The following CTNNA2 variants were observed in gnomAD, a reference collection of about 807,000 sequenced individuals.
CTNNA2 encodes the protein catenin alpha 2.
Under a neutral mutation model 101.0 loss-of-function variants are expected in CTNNA2, and 42 were observed. The observed-to-expected ratio is 0.42, with a 90% CI of 0.32 to 0.54. The LOEUF (loss-of-function observed/expected upper bound fraction) is 0.54. Among genes scored for constraint, CTNNA2 ranks in the 20% least tolerant of loss-of-function variants. The pLI is 0.14. For missense variants in CTNNA2, 871 were observed against 1,223.1 expected (o/e 0.71, Z 4.29); for synonymous variants, 450 against 456.4 (o/e 0.99, Z 0.18).
chr2:79,355,601 C>T (rs1319111682), intron 3 of CTNNA2, among the ~76,000 whole-genome samples: 1 of 152,180 alleles, frequency 6.6e-6, no homozygotes, highest in African/African-American at 2.4e-5. Flanking sequence ...CATCACTCCC[C>T]ATTCCTATGC....
intron 7 of CTNNA2, among the ~76,000 whole-genome samples, chr2:80,035,641 C>T (rs1242023432): frequency 6.6e-6 from 1 of 152,038 alleles, no homozygotes; most frequent in Non-Finnish European, 1.5e-5. Context: ...CTAAGAGATA[C>T]AGACCATTAA....
At chr2:80,305,188 T>C (rs1676804506) in intron 7 of CTNNA2, 2 of 985,328 alleles carry the variant, frequency 2.0e-6, no homozygotes, top group Non-Finnish European at 2.4e-6. Context: ...TGGGGTTTTT[T>C]CCCCCTCTTG....
At chr2:79,915,781 A>T (rs1686158417) in intron 7 of CTNNA2, among the ~76,000 whole-genome samples, 1 of 152,190 alleles carries the variant, frequency 6.6e-6, no homozygotes, top group African/African-American at 2.4e-5. Context: ...TTTTCTATAT[A>T]AATCTGATTT....
At chr2:80,356,631 A>G (rs1311280169) in intron 7 of CTNNA2, among the ~76,000 whole-genome samples, 1 of 152,134 alleles carries the variant, frequency 6.6e-6, no homozygotes, top group Non-Finnish European at 1.5e-5. Flanking sequence ...ATGGGAAAAA[A>G]TAATAGAGGG....
At chr2:80,418,295 A>G (rs1680213300) in intron 8 of CTNNA2, among the ~76,000 whole-genome samples, 1 of 152,192 alleles carries the variant, frequency 6.6e-6, no homozygotes, top group South Asian at 2.1e-4. Flanking sequence ...ATAGTGTGTA[A>G]TAGGAATGAA....
chr2:79,520,082 A>G (rs1672022810), intron 1 of CTNNA2, among the ~76,000 whole-genome samples: 1 of 152,216 alleles, frequency 6.6e-6, no homozygotes, highest in South Asian at 2.1e-4. Context: ...CTACCAATCC[A>G]GCTCCAAATT....
chr2:80,173,202 G>C (rs1475439823), intron 7 of CTNNA2, among the ~76,000 whole-genome samples: 1 of 152,176 alleles, frequency 6.6e-6, no homozygotes, highest in Non-Finnish European at 1.5e-5. Flanking sequence ...TCTGGATTCT[G>C]AACCTACCCT....
chr2:80,403,620 C>T (rs1678783144), intron 8 of CTNNA2, among the ~76,000 whole-genome samples: 1 of 152,148 alleles, frequency 6.6e-6, no homozygotes, highest in Non-Finnish European at 1.5e-5. Flanking sequence ...TTAATTTACT[C>T]TACACATAAT....
At position 80,648,010 on chromosome 2, in the gene CTNNA2, G is replaced by A; in HGVS notation, c.*138G>A. On this transcript the variant is annotated 3_prime_UTR_variant, in exon 19 of 19. Transcript: ENST00000402739. ...TTAAGGGAACAGTGTCTGTTTGCAT[G>A]TAAGATGAGATGAGATCAATACTAC... 2.6e-6 allele frequency: 2 copies of A among 782,394 alleles called. No homozygotes were observed. Among genetic ancestry groups the A allele is most frequent in the South Asian group, 3.9e-5 (2 of 51,798 alleles). The allele number at this position is 782,394 out of a possible 1,614,324, so 48.5% of individuals were successfully genotyped here.
chr2:79,908,227 A>G (rs779256079), intron 6 of CTNNA2, among the ~76,000 whole-genome samples: 3 of 152,258 alleles, frequency 2.0e-5, no homozygotes, highest in Non-Finnish European at 2.9e-5. Flanking sequence ...GCAGATTAGC[A>G]ATAGAATAAC....
chr2:79,391,773 C>T (rs1471684037), intron 4 of CTNNA2, among the ~76,000 whole-genome samples: 1 of 152,100 alleles, frequency 6.6e-6, no homozygotes, highest in Non-Finnish European at 1.5e-5. Flanking sequence ...TATAAGTTTG[C>T]CAGGGCTGCC....
chr2:80,242,620 G>T (rs988740694), intron 7 of CTNNA2, among the ~76,000 whole-genome samples: 5 of 152,116 alleles, frequency 3.3e-5, no homozygotes, highest in Non-Finnish European at 5.9e-5. Flanking sequence ...TCCATTTTGC[G>T]CTGCAGCAGG....
chr2:79,218,400 C>T (rs1269793192), intron 2 of CTNNA2, among the ~76,000 whole-genome samples: 4 of 147,804 alleles, frequency 2.7e-5, no homozygotes, highest in Non-Finnish European at 4.4e-5. Flanking sequence ...CCAGGCTGGT[C>T]GTGAACTCCT....
intron 3 of CTNNA2, among the ~76,000 whole-genome samples, chr2:79,793,960 A>G (rs1199258589): frequency 1.3e-5 from 2 of 151,260 alleles, no homozygotes; most frequent in Admixed American, 6.6e-5. Context: ...GAATGATACA[A>G]TGGACTTTGG....
intron 4 of CTNNA2, among the ~76,000 whole-genome samples, chr2:79,413,169 CA>C (rs1678436771): frequency 6.6e-6 from 1 of 151,752 alleles, no homozygotes; most frequent in African/African-American, 2.4e-5. Context: ...TGCTTTTTTG[CA>C]GGGGTGGCTG....
chr2:80,277,680 A>G (rs1674027482), intron 7 of CTNNA2, among the ~76,000 whole-genome samples: 1 of 152,084 alleles, frequency 6.6e-6, no homozygotes, highest in South Asian at 2.1e-4. Context: ...AGACAGGAAT[A>G]AGTTTATGGT....
chr2:80,560,454 G>T lies in CTNNA2; in HGVS notation c.1741+4561G>T, dbSNP rs146673373. ...GCCTCTGGGACTTGGGTTTTTTCCT[G>T]TATTGCCCAATGTTTTGTCATTCAA... On this transcript the variant is annotated intron_variant, in intron 12 of 18. Coordinates refer to ENST00000402739, the MANE Select transcript of CTNNA2 (RefSeq NM_001282597.3). 2.1e-3 allele frequency among the ~76,000 whole-genome samples: 322 copies of T among 152,166 alleles called. 1 individual carries two copies. The highest frequency in any genetic ancestry group is 6.8e-3 in the Middle Eastern group (2 of 294).
chr2:80,632,348 AAATG>A (rs1447988529), intron 18 of CTNNA2, among the ~76,000 whole-genome samples: 1 of 152,102 alleles, frequency 6.6e-6, no homozygotes, highest in Non-Finnish European at 1.5e-5. Context: ...ATTCCAGAAT[AAATG>A]GCAACCAGAT....
chr2:80,414,796 C>A (rs1679893114), intron 8 of CTNNA2, among the ~76,000 whole-genome samples: 1 of 152,170 alleles, frequency 6.6e-6, no homozygotes, highest in Admixed American at 6.5e-5. Flanking sequence ...GAATTAGTTT[C>A]TAATGCTTGA....
Sources: allele counts gnomAD v4.1 joint callset (sites outside exome capture counted in the v4.1 genomes callset), GRCh38; gene constraint gnomAD v4.1.1; transcripts MANE v1.5; gene names NCBI Gene and HGNC (gene_info 2026-07-23, HGNC 2026-07-21).